ESR2: variants seen among roughly 807,000 people sequenced by gnomAD.
ESR2 encodes estrogen receptor beta.
ESR2 carries 36 observed loss-of-function variants against 49.6 expected under a neutral mutation model. That is an observed-to-expected ratio of 0.73 (90% CI 0.56 to 0.96). The LOEUF is 0.96. ESR2 is among the 40% of genes least tolerant of loss of function. The probability of loss-of-function intolerance (pLI) is 0.00; values close to 1 mark genes in which losing one functional copy is unlikely to be tolerated. For synonymous variants in ESR2, 320 were observed against 266.1 expected (o/e 1.20, Z -1.97); for missense variants, 714 against 693.0 (o/e 1.03, Z -0.34).
chr14:64,264,832 C>T (rs1326802216), intron 4 of ESR2, among the ~76,000 whole-genome samples: 1 of 149,008 alleles, frequency 6.7e-6, no homozygotes, highest in African/African-American at 2.5e-5. Context: ...CAAGATTGCA[C>T]CACTGCACTC....
chr14:64,293,687 C>T lies in ESR2; in HGVS notation c.-91+346G>A, dbSNP rs72722322. Among the ~76,000 whole-genome samples the T allele has an allele frequency of 4.5e-3, 679 of 152,234 alleles. 20 individuals are homozygous for T. In the East Asian group the frequency reaches 0.077, roughly 17 times the overall value. On this transcript the variant is annotated intron_variant, in intron 1 of 8. Coordinates refer to ENST00000341099, the MANE Select transcript of ESR2 (RefSeq NM_001437.3). ...CTGAGACGTGTACATCTTCCCAGGC[C>T]CTCAAAGTTCAATCAGAAAGTGTAT...
At chr14:64,260,786 A>G (rs371985834) in intron 4 of ESR2, 38 bp from the exon 5 acceptor site, 58 of 1,424,390 alleles carry the variant, frequency 4.1e-5, no homozygotes, top group Non-Finnish European at 5.1e-5. Context: ...TTGCCAGGGT[A>G]AAACCGCAGT....
At chr14:64,249,502 C>A (rs1160026052) in intron 7 of ESR2, 44 bp downstream of exon 7, 1 of 1,594,634 alleles carries the variant, frequency 6.3e-7, no homozygotes, top group Non-Finnish European at 8.5e-7. Context: ...GTAGAAACAG[C>A]ATCTCTCCCC....
At chr14:64,321,880 G>A (rs1204029269) in intron 1 of ESR2, among the ~76,000 whole-genome samples, 1 of 151,938 alleles carries the variant, frequency 6.6e-6, no homozygotes, top group African/African-American at 2.4e-5. Context: ...AAACATAAAG[G>A]TGGGAACAAT....
At chr14:64,296,168 G>A (rs918571508), upstream of ESR2, among the ~76,000 whole-genome samples, 17 of 151,990 alleles carry the variant, frequency 1.1e-4, no homozygotes, top group African/African-American at 3.6e-4. Context: ...GAAAAAGATA[G>A]GTGAGGGTGA....
intron 4 of ESR2, among the ~76,000 whole-genome samples, chr14:64,261,260 C>T (rs1471977248): frequency 3.0e-5 from 2 of 67,158 alleles, no homozygotes; most frequent in Admixed American, 2.0e-4. Flanking sequence ...TTTTTTGAGA[C>T]GGAGCCTTGC....
chr14:64,246,734 C>CA (rs71123836), intron 7 of ESR2, among the ~76,000 whole-genome samples: 547 of 36,442 alleles, frequency 0.015, 90 homozygotes, highest in Middle Eastern at 0.025. Context: ...AAGACTCTGT[C>CA]AAAAAAAAAA....
At chr14:64,233,918 C>T (rs912448020) in intron 8 of ESR2, 1 of 152,660 alleles carries the variant, frequency 6.6e-6, no homozygotes, top group African/African-American at 2.4e-5. Context: ...AGTGAAGTCA[C>T]CAAAAGCACA....
chr14:64,233,445 A>G, intron 8 of ESR2, 122 bp from the exon 9 acceptor site: 1 of 914,580 alleles, frequency 1.1e-6, no homozygotes, highest in Non-Finnish European at 1.7e-6. Context: ...CTCTTCCCCC[A>G]GCCCATTTAT....
intron 1 of ESR2, among the ~76,000 whole-genome samples, chr14:64,314,897 A>G (rs1156252850): frequency 1.3e-5 from 2 of 150,402 alleles, no homozygotes; most frequent in East Asian, 1.9e-4. Flanking sequence ...AAAAAAAAAA[A>G]AAAAAGAAAA....
intron 1 of ESR2, among the ~76,000 whole-genome samples, chr14:64,325,029 G>A (rs970282754): frequency 5.3e-5 from 8 of 152,142 alleles, no homozygotes; most frequent in African/African-American, 1.9e-4. Context: ...CTGAGTCACA[G>A]GGTAGGATAT....
intron 6 of ESR2, among the ~76,000 whole-genome samples, chr14:64,253,335 C>T (rs1185382627): frequency 6.6e-6 from 1 of 151,792 alleles, no homozygotes; most frequent in Non-Finnish European, 1.5e-5. Context: ...GGATTACAGG[C>T]GCCTGCCACC....
At chr14:64,260,174 T>C in intron 5 of ESR2, 1 of 688,210 alleles carries the variant, frequency 1.5e-6, no homozygotes, top group Non-Finnish European at 2.7e-6. Flanking sequence ...AGAATAGAAA[T>C]GGCTGGGCCA....
At chr14:64,297,194 C>T (rs964027336), upstream of ESR2, among the ~76,000 whole-genome samples, 10 of 152,164 alleles carry the variant, frequency 6.6e-5, no homozygotes, top group African/African-American at 2.4e-4. Context: ...ACCATTAAGT[C>T]ATCTTTTGGG....
chr14:64,298,199 T>C (rs911563983), upstream of ESR2, among the ~76,000 whole-genome samples: 2 of 152,242 alleles, frequency 1.3e-5, no homozygotes, highest in African/African-American at 2.4e-5. Context: ...ATTGAGCATT[T>C]TTCTAGCCTG....
intron 1 of ESR2, among the ~76,000 whole-genome samples, chr14:64,316,176 AT>A (rs1183017539): frequency 7.8e-4 from 110 of 140,714 alleles, no homozygotes; most frequent in East Asian, 8.4e-4. Context: ...TGCCCAGCTA[AT>A]TTTTTTTTTT....
intron 1 of ESR2, among the ~76,000 whole-genome samples, chr14:64,311,477 T>TA (rs1427108308): frequency 1.3e-5 from 2 of 151,806 alleles, no homozygotes; most frequent in African/African-American, 4.8e-5. Flanking sequence ...CTGTCTCTAC[T>TA]AAAAATACAA....
At chr14:64,331,869 G>A (rs1240635986) in intron 1 of ESR2, among the ~76,000 whole-genome samples, 5 of 146,740 alleles carry the variant, frequency 3.4e-5, no homozygotes, top group African/African-American at 1.3e-4. Context: ...GTCTCCTTCA[G>A]AGAGTCCTTC....
chr14:64,294,573 A>C (rs1190349474), upstream of ESR2, among the ~76,000 whole-genome samples: 1 of 152,184 alleles, frequency 6.6e-6, no homozygotes, highest in Non-Finnish European at 1.5e-5. Flanking sequence ...CGCTCCCCGC[A>C]GCCCCAGTCT....
Sources: allele counts gnomAD v4.1 joint callset (sites outside exome capture counted in the v4.1 genomes callset), GRCh38; gene constraint gnomAD v4.1.1; transcripts MANE v1.5; gene names NCBI Gene and HGNC (gene_info 2026-07-23, HGNC 2026-07-21).